The following ERC2 variants were observed in gnomAD, a reference collection of about 807,000 sequenced individuals.
The protein encoded by ERC2 is ELKS/RAB6-interacting/CAST family member 2.
A neutral mutation model predicts 114.8 loss-of-function variants in ERC2; 42 were observed. That is an observed-to-expected ratio of 0.37 (90% CI 0.29 to 0.47). The LOEUF (loss-of-function observed/expected upper bound fraction) is 0.47, where lower values mean the gene tolerates loss of function less well. Among genes scored for constraint, ERC2 ranks in the 20% least tolerant of loss-of-function variants. ERC2 has a pLI of 0.99. For synonymous variants in ERC2, 454 were observed against 425.5 expected (o/e 1.07, Z -0.82); for missense variants, 939 against 1,150.7 (o/e 0.82, Z 2.66).
At chr3:55,938,161 G>C (rs1233659686) in intron 13 of ERC2, among the ~76,000 whole-genome samples, 1 of 149,962 alleles carries the variant, frequency 6.7e-6, no homozygotes, top group Non-Finnish European at 1.5e-5. Flanking sequence ...AAACCAAGAG[G>C]TTCTTTCAGA....
At chr3:55,988,225 C>T (rs1233648774) in intron 11 of ERC2, among the ~76,000 whole-genome samples, 1 of 152,174 alleles carries the variant, frequency 6.6e-6, no homozygotes, top group Non-Finnish European at 1.5e-5. Flanking sequence ...TACGTGACAT[C>T]TGACATTGGA....
At chr3:56,414,854 A>C (rs543775763) in intron 2 of ERC2, among the ~76,000 whole-genome samples, 6 of 152,154 alleles carry the variant, frequency 3.9e-5, no homozygotes, top group Admixed American at 3.3e-4. Flanking sequence ...CAACATCCAT[A>C]TTTTACCAAC....
intron 17 of ERC2, among the ~76,000 whole-genome samples, chr3:55,600,128 C>T (rs191074743): frequency 9.2e-5 from 14 of 152,124 alleles, no homozygotes; most frequent in African/African-American, 3.1e-4. Context: ...GAAGTTATCC[C>T]AGAATATAGA....
intron 17 of ERC2, among the ~76,000 whole-genome samples, chr3:55,676,270 A>G (rs2061806351): frequency 6.6e-6 from 1 of 151,664 alleles, no homozygotes; most frequent in Non-Finnish European, 1.5e-5. Context: ...GAGATAAAGC[A>G]TGTATAATAT....
At chr3:56,129,200 T>A (rs1037807441) in intron 6 of ERC2, among the ~76,000 whole-genome samples, 3 of 152,224 alleles carry the variant, frequency 2.0e-5, no homozygotes, top group African/African-American at 7.2e-5. Context: ...AAAGTTCGTA[T>A]GAAAATGGGT....
At chr3:55,985,091 A>G (rs2070487035) in intron 12 of ERC2, among the ~76,000 whole-genome samples, 1 of 152,230 alleles carries the variant, frequency 6.6e-6, no homozygotes, top group Non-Finnish European at 1.5e-5. Context: ...TTTGAAGTTT[A>G]GATAGCCTCA....
At chr3:56,026,057 CTT>C (rs59635680) in intron 7 of ERC2, among the ~76,000 whole-genome samples, 256 of 69,182 alleles carry the variant, frequency 3.7e-3, no homozygotes, top group Middle Eastern at 0.012. Context: ...CCGTTTCTTT[CTT>C]TTTTTTTTTT....
In ERC2 at chr3:55,583,497, TTCCCTCCCTCCCTCCC is replaced by T. The variant is rs1206804724; in HGVS notation, c.*40-72237_*40-72222del. Among the ~76,000 whole-genome samples the T allele has an allele frequency of 2.1e-4, 3 of 14,404 alleles. 1 individual carries two copies. Among genetic ancestry groups the T allele is most frequent in the Non-Finnish European group, 1.2e-4 (1 of 8,220 alleles). The allele number at this position is 14,404 out of a possible 152,430, so 9.4% of individuals were successfully genotyped here. ...CTCCCTCCCCTCCATCCCTCTCTCC[TTCCCTCCCTCCCTCCC>T]TCCCTCCCTCCCTTCCTTCCTTCCT... On this transcript the variant is annotated intron_variant, in intron 17 of 17. Transcript: ENST00000288221.
At chr3:55,913,494 C>T (rs1440435438) in intron 13 of ERC2, among the ~76,000 whole-genome samples, 1 of 152,066 alleles carries the variant, frequency 6.6e-6, no homozygotes, top group Admixed American at 6.5e-5. Flanking sequence ...TCCTGAAAAA[C>T]CACAAAAATC....
chr3:56,099,954 T>G (rs906704782), intron 6 of ERC2, among the ~76,000 whole-genome samples: 4 of 151,996 alleles, frequency 2.6e-5, no homozygotes, highest in Admixed American at 2.6e-4. Flanking sequence ...CAAAAGTCTT[T>G]CCAGAGAACC....
intron 5 of ERC2, among the ~76,000 whole-genome samples, chr3:56,140,026 T>C (rs2080759630): frequency 6.6e-6 from 1 of 152,152 alleles, no homozygotes; most frequent in Non-Finnish European, 1.5e-5. Context: ...GGAGAGTCAA[T>C]AGGGATCTAA....
chr3:56,327,876 A>C (rs2057436218), intron 2 of ERC2, among the ~76,000 whole-genome samples: 1 of 152,198 alleles, frequency 6.6e-6, no homozygotes, highest in South Asian at 2.1e-4. Flanking sequence ...AAACATTAGT[A>C]AGGAAGATTC....
intron 14 of ERC2, among the ~76,000 whole-genome samples, chr3:55,838,977 C>T (rs1272561717): frequency 6.6e-6 from 1 of 151,818 alleles, no homozygotes; most frequent in Non-Finnish European, 1.5e-5. Context: ...TATAAACCCA[C>T]AGATCCAAGA....
intron 12 of ERC2, among the ~76,000 whole-genome samples, chr3:55,959,862 A>T (rs2068233701): frequency 6.6e-6 from 1 of 152,224 alleles, no homozygotes; most frequent in South Asian, 2.1e-4. Flanking sequence ...CACATGGTCA[A>T]AGCTGGTGGC....
chr3:56,434,584 C>G lies in ERC2; in HGVS notation c.424G>C (p.Val142Leu), dbSNP rs779782916. 1.2e-6 allele frequency: 2 copies of G among 1,613,826 alleles called. No homozygotes were observed. Among genetic ancestry groups the G allele is most frequent in the African/African-American group, 2.7e-5 (2 of 74,872 alleles). Residue 142 changes from valine to leucine, a missense_variant, in exon 2 of 18, where the codon GTA (valine) becomes CTA (leucine). Around this residue, in one of 5 missense-constraint regions of ERC2, gnomAD observed 281 missense variants for 307.4 expected, o/e 0.91. Coordinates refer to ENST00000288221, the MANE Select transcript of ERC2 (RefSeq NM_015576.3). ...HHQVPSMLRQ[V>L]RDSTMLDLQA... ...AGATCTAACATTGTGCTGTCTCTTA[C>G]CTGCCTCAACATGGAGGGGACCTGG...
At chr3:55,604,933 T>C (rs548829165) in intron 17 of ERC2, among the ~76,000 whole-genome samples, 1 of 152,252 alleles carries the variant, frequency 6.6e-6, no homozygotes, top group East Asian at 1.9e-4. Flanking sequence ...CTTGTTGGAC[T>C]CCATCTACAG....
chr3:56,010,480 T>C lies in ERC2; in HGVS notation c.1889A>G (p.Asn630Ser), dbSNP rs199521530. Reference sequence around the variant, plus strand: ...CTCAGTCAGTTCAGCCTGTAAAGCATTGACCTTCTCTTTCAGGTCTTTGTT... The same window carrying C: ...CTCAGTCAGTTCAGCCTGTAAAGCACTGACCTTCTCTTTCAGGTCTTTGTT... ...KENKDLKEKV[N>S]ALQAELTEKE... The change falls in exon 9 of 18, where the codon AAT (asparagine) becomes AGT (serine). Residue 630 changes from asparagine to serine, a missense_variant. This residue lies in a region of ERC2 where 149 missense variants were observed against 254.6 expected (regional missense o/e 0.59). Transcript: ENST00000288221. 28 of 1,613,542 alleles carry C rather than the reference T, an allele frequency of 1.7e-5. No homozygotes were observed. The highest frequency in any genetic ancestry group is 1.6e-4 in the Middle Eastern group (1 of 6,076).
intron 3 of ERC2, among the ~76,000 whole-genome samples, chr3:56,292,171 G>A (rs1477259728): frequency 1.3e-5 from 2 of 152,012 alleles, no homozygotes; most frequent in African/African-American, 4.8e-5. Context: ...GTAACTCTGT[G>A]GAATCCCTCA....
intron 17 of ERC2, among the ~76,000 whole-genome samples, chr3:55,634,018 C>T (rs1485979777): frequency 6.6e-6 from 1 of 152,158 alleles, no homozygotes; most frequent in Non-Finnish European, 1.5e-5. Context: ...AAAGCAGCCC[C>T]TTCAGATGTG....
Sources: allele counts gnomAD v4.1 joint callset (sites outside exome capture counted in the v4.1 genomes callset), GRCh38; gene constraint gnomAD v4.1.1; regional missense constraint gnomAD v4.1.1; transcripts MANE v1.5; gene names NCBI Gene and HGNC (gene_info 2026-07-23, HGNC 2026-07-21).